The following GRAMD1B variants were observed in gnomAD, a reference collection of about 807,000 sequenced individuals.
GRAMD1B encodes the protein protein Aster-B.
A neutral mutation model predicts 99.7 loss-of-function variants in GRAMD1B; 37 were observed. The observed-to-expected ratio is 0.37, with a 90% CI of 0.29 to 0.49. The LOEUF is 0.49. Among genes scored for constraint, GRAMD1B ranks in the 20% least tolerant of loss-of-function variants. The probability of loss-of-function intolerance (pLI) is 0.98; values close to 1 mark genes in which losing one functional copy is unlikely to be tolerated. For synonymous variants in GRAMD1B, 427 were observed against 387.6 expected (o/e 1.10, Z -1.19); for missense variants, 888 against 1,009.2 (o/e 0.88, Z 1.63).
intron 2 of GRAMD1B, among the ~76,000 whole-genome samples, chr11:123,501,462 C>T (rs531265749): frequency 5.1e-4 from 78 of 152,304 alleles, no homozygotes; most frequent in African/African-American, 1.7e-3. Context: ...TGAGCCACTG[C>T]GCCAGCCTGG....
At chr11:123,545,137 A>G (rs1944928273) in intron 2 of GRAMD1B, among the ~76,000 whole-genome samples, 1 of 152,170 alleles carries the variant, frequency 6.6e-6, no homozygotes. Flanking sequence ...CCTCCAGGGC[A>G]GCCGCCCCGG....
intron 1 of GRAMD1B, among the ~76,000 whole-genome samples, chr11:123,450,475 C>G (rs1311091343): frequency 2.0e-5 from 3 of 152,176 alleles, no homozygotes. Context: ...GTCTGCCCTA[C>G]AGGGGCTTCT....
Position 123,469,707 on chromosome 11 carries a change from T to TTTTC in GRAMD1B, c.375-11093_375-11090dup, listed in dbSNP as rs140771448. ...TTCTTGTCCTTTCCCTTTCTCTTTC[T>TTTTC]TTTCTTTCTTTCTTTCTTTTTTTCT... On this transcript the variant is annotated intron_variant, in intron 1 of 19. Transcript: ENST00000635736. 3.5e-3 allele frequency among the ~76,000 whole-genome samples: 525 copies of TTTTC among 151,808 alleles called. 6 individuals carry two copies. The highest frequency in any genetic ancestry group is 0.012 in the African/African-American group (497 of 41,274).
At chr11:123,373,108 CAG>C in intron 1 of GRAMD1B, among the ~76,000 whole-genome samples, 1 of 152,218 alleles carries the variant, frequency 6.6e-6, no homozygotes, top group African/African-American at 2.4e-5. Flanking sequence ...CACTGCAATC[CAG>C]CCTGGGCCAC....
rs11603076 is a variant in GRAMD1B, at chr11:123,561,882, G to A, written c.453-15485G>A. Among the ~76,000 whole-genome samples, 757 of 152,302 alleles carry A rather than the reference G, an allele frequency of 5.0e-3. 3 individuals are homozygous for A. Among genetic ancestry groups the A allele is most frequent in the Middle Eastern group, 0.037 (11 of 294 alleles). On this transcript the variant is annotated intron_variant, in intron 2 of 19. Coordinates refer to ENST00000635736, the MANE Select transcript of GRAMD1B (RefSeq NM_001387025.1). ...AAAGGGATGATTTTGGGAGCCACCC[G>A]GAGCAGGAGATTGATAATGTCAAGG...
intron 1 of GRAMD1B, among the ~76,000 whole-genome samples, chr11:123,375,461 C>T (rs1204295314): frequency 6.6e-6 from 1 of 152,102 alleles, no homozygotes; most frequent in Non-Finnish European, 1.5e-5. Flanking sequence ...TCCGGCATCT[C>T]CTCTTTGTAA....
At chr11:123,449,787 C>A (rs1051845042) in intron 1 of GRAMD1B, among the ~76,000 whole-genome samples, 2 of 148,274 alleles carry the variant, frequency 1.3e-5, no homozygotes, top group Admixed American at 6.8e-5. Context: ...GTAGCACAAT[C>A]ATGGCTCACT....
chr11:123,495,114 TACACACAC>T (rs10695354), intron 2 of GRAMD1B, among the ~76,000 whole-genome samples: 1 of 148,550 alleles, frequency 6.7e-6, no homozygotes, highest in East Asian at 2.0e-4. Flanking sequence ...TATATATACA[TACACACAC>T]ACACACACAC....
chr11:123,564,606 G>C (rs966999901), intron 2 of GRAMD1B, among the ~76,000 whole-genome samples: 1 of 152,222 alleles, frequency 6.6e-6, no homozygotes, highest in Non-Finnish European at 1.5e-5. Context: ...ATCAGACTGT[G>C]AGTTTCTTAG....
intron 1 of GRAMD1B, among the ~76,000 whole-genome samples, chr11:123,363,396 G>T (rs1946210032): frequency 6.6e-6 from 1 of 152,164 alleles, no homozygotes; most frequent in African/African-American, 2.4e-5. Flanking sequence ...CAAGAGAGTG[G>T]CAGACATGAA....
At chr11:123,547,124 A>G (rs1024943510) in intron 2 of GRAMD1B, among the ~76,000 whole-genome samples, 2 of 152,146 alleles carry the variant, frequency 1.3e-5, no homozygotes, top group East Asian at 1.9e-4. Flanking sequence ...TACAGAGGCA[A>G]TACCTGCTTT....
chr11:123,559,721 C>T, intron 2 of GRAMD1B: 1 of 982,544 alleles, frequency 1.0e-6, no homozygotes, highest in Non-Finnish European at 1.2e-6. Context: ...GTTACTCTTG[C>T]TGTCTGTGAG....
chr11:123,515,390 T>A (rs1941576299), intron 2 of GRAMD1B, among the ~76,000 whole-genome samples: 1 of 152,362 alleles, frequency 6.6e-6, no homozygotes, highest in Non-Finnish European at 1.5e-5. Context: ...CTCCCAAACC[T>A]GAAACGTATT....
At chr11:123,471,839 C>A (rs1951030554) in intron 1 of GRAMD1B, among the ~76,000 whole-genome samples, 1 of 152,180 alleles carries the variant, frequency 6.6e-6, no homozygotes, top group South Asian at 2.1e-4. Context: ...GGTTCATACT[C>A]CGACTTCATA....
intron 3 of GRAMD1B, 53 bp downstream of exon 3, chr11:123,577,630 G>C (rs1391265355): frequency 3.0e-6 from 4 of 1,351,956 alleles, no homozygotes; most frequent in Admixed American, 3.9e-5. Context: ...TGCGGGGAGC[G>C]ATATTGGGGT....
chr11:123,476,288 A>G (rs1044221804), intron 1 of GRAMD1B, among the ~76,000 whole-genome samples: 6 of 152,040 alleles, frequency 3.9e-5, no homozygotes, highest in African/African-American at 1.4e-4. Flanking sequence ...TTTAGTAGAG[A>G]CAGGGTTTCA....
intron 4 of GRAMD1B, among the ~76,000 whole-genome samples, chr11:123,589,642 A>ATAT (rs1950446757): frequency 7.2e-6 from 1 of 139,466 alleles, no homozygotes; most frequent in Non-Finnish European, 1.6e-5. Flanking sequence ...ATATATTTGT[A>ATAT]GTAGAGACGG....
intron 4 of GRAMD1B, among the ~76,000 whole-genome samples, chr11:123,585,768 C>G (rs1429552013): frequency 5.3e-5 from 8 of 152,232 alleles, no homozygotes; most frequent in Admixed American, 6.5e-5. Flanking sequence ...CATAGGGGAA[C>G]AGGACCCACG....
chr11:123,557,977 CTTTTTTTTTTTTT>C (rs532091098), intron 2 of GRAMD1B, among the ~76,000 whole-genome samples: 8 of 99,926 alleles, frequency 8.0e-5, no homozygotes, highest in African/African-American at 2.3e-4. Flanking sequence ...TTCAGTGCAA[CTTTTTTTTTTTTT>C]TTTTTTTTTT....
Sources: allele counts gnomAD v4.1 joint callset (sites outside exome capture counted in the v4.1 genomes callset), GRCh38; gene constraint gnomAD v4.1.1; transcripts MANE v1.5; gene names NCBI Gene and HGNC (gene_info 2026-07-23, HGNC 2026-07-21).